HACD4: variants seen among roughly 807,000 people sequenced by gnomAD.
The protein encoded by HACD4 is very-long-chain (3R)-3-hydroxyacyl-CoA dehydratase 4.
Under a neutral mutation model 33.3 loss-of-function variants are expected in HACD4, and 35 were observed. The ratio of observed to expected loss-of-function variants is 1.05; its 90% CI spans 0.80 to 1.39. The LOEUF (loss-of-function observed/expected upper bound fraction) is 1.39. HACD4 is among the 40% of genes most tolerant of loss of function. The pLI is 0.00. For missense variants in HACD4, 323 were observed against 276.5 expected, an observed-to-expected ratio of 1.17 and a Z score of -1.19; for synonymous variants, 118 against 98.0, an observed-to-expected ratio of 1.20 and a Z score of -1.21.
intron 3 of HACD4, among the ~76,000 whole-genome samples, chr9:21,020,833 G>T (rs955993560): frequency 6.6e-6 from 1 of 152,004 alleles, no homozygotes; most frequent in East Asian, 1.9e-4. Context: ...TCCCCAAAGC[G>T]TATAAAAAAA....
rs923137356 is a variant in HACD4 at position 21,005,594 on chromosome 9, C to T, written c.*1443G>A. ...TCTTCAAGAAAAGGAGAAACTGACC[C>T]GGAACAATGATTCAGAGAACATCAG... On this transcript the variant is annotated 3_prime_UTR_variant, in exon 7 of 7. Coordinates refer to ENST00000495827, the MANE Select transcript of HACD4 (RefSeq NM_001010915.5). The surrounding 1 kb of genome is among the most constrained non-coding windows in gnomAD (Gnocchi z 4.0). 7 of 152,170 alleles carry T rather than the reference C, an allele frequency of 4.6e-5. No homozygotes were observed. Among genetic ancestry groups the T allele is most frequent in the East Asian group, 1.9e-4 (1 of 5,198 alleles). The allele number at this position is 152,170 out of a possible 1,614,324, so 9.4% of individuals were successfully genotyped here. A position where few individuals can be genotyped will look rare whatever the true frequency, so the allele number is the denominator to read the frequency against.
chr9:21,027,495 G>A (rs906514901), intron 2 of HACD4, among the ~76,000 whole-genome samples: 1 of 152,196 alleles, frequency 6.6e-6, no homozygotes, highest in Non-Finnish European at 1.5e-5. Context: ...AATTTACTGA[G>A]CAGTAAGGAT....
Position 21,011,631 on chromosome 9 carries a change from T to C in HACD4, c.448A>G (p.Thr150Ala). Reference sequence around the variant, plus strand: ...AAAGGATAAATTGGCATCCATAGTGTTTGACTGAGCCATGTCAAGACAGCA... The same window carrying C: ...AAAGGATAAATTGGCATCCATAGTGCTTGACTGAGCCATGTCAAGACAGCA... Reference protein sequence around the residue: ...SYAVLTWLSQTLWMPIYPLCV... With the variant: ...SYAVLTWLSQALWMPIYPLCV... The change falls in exon 5 of 7, where the codon ACA (threonine) becomes GCA (alanine). Residue 150 changes from threonine (T) to alanine (A), a missense_variant. Thr to Ala is a moderately conservative substitution (Grantham distance 58). Coordinates refer to ENST00000495827, the MANE Select transcript of HACD4 (RefSeq NM_001010915.5). The C allele has an allele frequency of 6.2e-7, 1 of 1,612,064 alleles. No individual in the cohort carries two copies. The highest frequency in any genetic ancestry group is 8.5e-7 in the Non-Finnish European group (1 of 1,178,380).
rs1022677344 is a variant in HACD4, at chr9:21,014,391, A to G, written c.383+1507T>C. The stretch of plus-strand genomic sequence containing the variant: ...AGAATTTTACTCAGCCCAAAATGCA[A>G]TGAAGTACTGCACATGCCACAACAC... On this transcript the variant is annotated intron_variant, in intron 4 of 6. Transcript: ENST00000495827. Among the ~76,000 whole-genome samples the G allele has an allele frequency of 7.2e-5, 11 of 152,222 alleles. No individual in the cohort carries two copies. In the East Asian group the frequency reaches 1.9e-3, roughly 27 times the overall value.
Position 21,007,138 on chromosome 9 carries a change from T to C in HACD4, c.617-19A>G. 7.8e-7 allele frequency: 1 copy of C among 1,285,384 alleles called. No homozygotes were observed. Among genetic ancestry groups the C allele is most frequent in the Non-Finnish European group, 1.1e-6 (1 of 881,186 alleles). The allele number at this position is 1,285,384 out of a possible 1,614,324, so 79.6% of individuals were successfully genotyped here. On this transcript the variant is annotated intron_variant, in intron 6 of 6. Coordinates refer to ENST00000495827, the MANE Select transcript of HACD4 (RefSeq NM_001010915.5). ...TACATACCTAATATGGAGAAAGAAGTTGCAAAAGTAAGTAAGGTTAACTAT... is the reference window on the plus strand; with the variant it reads ...TACATACCTAATATGGAGAAAGAAGCTGCAAAAGTAAGTAAGGTTAACTAT...
chr9:21,000,013 G>T lies in HACD4; in HGVS notation c.*7024C>A, dbSNP rs900476686. 1 of 152,168 alleles carries T rather than the reference G, an allele frequency of 6.6e-6. No individual in the cohort carries two copies. The highest frequency in any genetic ancestry group is 6.5e-5 in the Admixed American group (1 of 15,274). 9.4% of individuals were successfully genotyped at this position (152,168 alleles called of 1,614,324 possible). On this transcript the variant is annotated 3_prime_UTR_variant, in exon 7 of 7. Transcript: ENST00000495827. ...AAACTGGAACTCAAAGAGTCATTCAGTTAGTAAATAATGGAGCTTGATCTC... is the reference window on the plus strand; with the variant it reads ...AAACTGGAACTCAAAGAGTCATTCATTTAGTAAATAATGGAGCTTGATCTC...
chr9:21,020,120 G>T (rs1322685391), intron 3 of HACD4, among the ~76,000 whole-genome samples: 1 of 151,984 alleles, frequency 6.6e-6, no homozygotes, highest in East Asian at 1.9e-4. Context: ...GCTCATAAAT[G>T]GAATCTCCGT....
intron 3 of HACD4, among the ~76,000 whole-genome samples, chr9:21,017,555 C>A (rs1842589721): frequency 6.6e-6 from 1 of 152,130 alleles, no homozygotes. Flanking sequence ...CAAATAAGTT[C>A]TTAGGCTCTA....
Position 21,015,973 on chromosome 9 carries a change from G to C in HACD4, c.308C>G (p.Thr103Ser), listed in dbSNP as rs775699767. The C allele has an allele frequency of 4.3e-6, 7 of 1,612,810 alleles. No individual in the cohort carries two copies. Among genetic ancestry groups the C allele is most frequent in the Non-Finnish European group, 5.9e-6 (7 of 1,179,272 alleles). Residue 103 changes from threonine (T) to serine (S), a missense_variant, in exon 4 of 7, where the codon ACC becomes AGC. By Grantham distance (58) the Thr-to-Ser change is moderately conservative. Coordinates refer to ENST00000495827, the MANE Select transcript of HACD4 (RefSeq NM_001010915.5). ...TTTCTCTTGGACTTCCTCTTGACTG[G>C]TGATCACCACAAAAAGGATGATTAT... ...ERIIILFVVI[T>S]SQEEVQEKYV...
intron 3 of HACD4, among the ~76,000 whole-genome samples, chr9:21,020,370 A>G (rs1356709866): frequency 6.6e-6 from 1 of 152,132 alleles, no homozygotes; most frequent in Non-Finnish European, 1.5e-5. Context: ...TAATGTTATG[A>G]CACAAAGGTT....
intron 1 of HACD4, among the ~76,000 whole-genome samples, chr9:21,030,795 T>C (rs1391671057): frequency 6.6e-6 from 1 of 152,164 alleles, no homozygotes; most frequent in Non-Finnish European, 1.5e-5. Context: ...GGTTTAACAA[T>C]GTGTTGTGAG....
At chr9:21,030,269 CAAAAAAAA>C (rs57245979) in intron 1 of HACD4, among the ~76,000 whole-genome samples, 1 of 110,920 alleles carries the variant, frequency 9.0e-6, no homozygotes, top group Non-Finnish European at 1.8e-5. Flanking sequence ...TGGCAACTTA[CAAAAAAAA>C]AAAAAAAAAA....
intron 1 of HACD4, among the ~76,000 whole-genome samples, chr9:21,030,269 C>CAAAA (rs57245979): frequency 3.6e-5 from 4 of 110,884 alleles, no homozygotes; most frequent in Admixed American, 9.3e-5. Flanking sequence ...TGGCAACTTA[C>CAAAA]AAAAAAAAAA....
intron 3 of HACD4, among the ~76,000 whole-genome samples, chr9:21,022,741 G>A (rs1324452389): frequency 6.6e-6 from 1 of 151,332 alleles, no homozygotes; most frequent in Non-Finnish European, 1.5e-5. Flanking sequence ...AGGATGTGGA[G>A]AAATAGGAAC....
intron 3 of HACD4, among the ~76,000 whole-genome samples, chr9:21,016,338 C>G (rs182287544): frequency 6.6e-6 from 1 of 152,208 alleles, no homozygotes; most frequent in African/African-American, 2.4e-5. Context: ...GTGTCAGATG[C>G]CAAAATGAAA....
intron 3 of HACD4, among the ~76,000 whole-genome samples, chr9:21,021,989 G>C (rs961519821): frequency 2.6e-5 from 4 of 152,128 alleles, no homozygotes; most frequent in African/African-American, 4.8e-5. Flanking sequence ...ATACTACAAG[G>C]CTACAGTAAC....
At chr9:21,031,394 A>G (rs1464655048) in intron 1 of HACD4, 159 bp downstream of exon 1, 4 of 936,994 alleles carry the variant, frequency 4.3e-6, no homozygotes, top group African/African-American at 3.5e-5. Context: ...GTAAGTTAGC[A>G]AATACCTGCA....
At chr9:21,013,663 T>C (rs146427272) in intron 4 of HACD4, among the ~76,000 whole-genome samples, 280 of 152,336 alleles carry the variant, frequency 1.8e-3, no homozygotes, top group African/African-American at 6.1e-3. Flanking sequence ...TTTAGCTCTT[T>C]AATTTTTTTC....
intron 1 of HACD4, among the ~76,000 whole-genome samples, chr9:21,031,200 G>A (rs544580382): frequency 3.9e-5 from 6 of 152,094 alleles, no homozygotes; most frequent in Admixed American, 6.5e-5. Context: ...GTGTTTCCAC[G>A]GCTGTTACAT....
Sources: gnomAD v4.1 joint callset for allele counts (sites outside exome capture counted in the v4.1 genomes callset) on GRCh38, gnomAD v4.1.1 for gene constraint, Gnocchi (gnomAD v3.1) non-coding constraint, MANE v1.5 for transcripts, NCBI Gene and HGNC (gene_info 2026-07-23, HGNC 2026-07-21) for gene names.